SPATS2L: variants seen among roughly 807,000 people sequenced by gnomAD.
The protein encoded by SPATS2L is spermatogenesis associated serine rich 2 like.
Under a neutral mutation model 59.6 loss-of-function variants are expected in SPATS2L, and 30 were observed. The observed-to-expected ratio is 0.50, with a 90% CI of 0.38 to 0.68. SPATS2L has a LOEUF of 0.68. Ranked by LOEUF, SPATS2L falls within the 30% of genes least tolerant of loss-of-function variation. The probability of loss-of-function intolerance (pLI) is 0.00; values close to 1 mark genes in which losing one functional copy is unlikely to be tolerated. For missense variants in SPATS2L, 615 were observed against 700.0 expected (o/e 0.88, Z 1.37); for synonymous variants, 252 against 263.5 (o/e 0.96, Z 0.42).
chr2:200,414,113 C>CT (rs2082978337), intron 4 of SPATS2L, among the ~76,000 whole-genome samples: 1 of 151,554 alleles, frequency 6.6e-6, no homozygotes, highest in Non-Finnish European at 1.5e-5. Context: ...GGATTGAGGC[C>CT]CCCCACGTTC....
intron 5 of SPATS2L, among the ~76,000 whole-genome samples, chr2:200,417,176 T>A (rs2083098389): frequency 6.6e-6 from 1 of 152,204 alleles, no homozygotes; most frequent in South Asian, 2.1e-4. Flanking sequence ...TTTCCCAGGA[T>A]ATAGTACGCC....
rs1036625398 is a variant in SPATS2L, at chr2:200,306,889, G to A, written c.-106G>A. 84 of 981,198 alleles carry A rather than the reference G, an allele frequency of 8.6e-5. No homozygotes were observed. Among genetic ancestry groups the A allele is most frequent in the Non-Finnish European group, 1.0e-4 (84 of 828,342 alleles). The allele number at this position is 981,198 out of a possible 1,614,324, so 60.8% of individuals were successfully genotyped here. ...ACCGCGCCCCCGGGCCCCGGCTCCG[G>A]CCCGGGACGGAGGAGCCGGCGCTCG... On this transcript the variant is annotated 5_prime_UTR_variant, in exon 1 of 13. Transcript: ENST00000409140.
At chr2:200,442,615 T>A (rs1447853478) in intron 8 of SPATS2L, among the ~76,000 whole-genome samples, 3 of 152,254 alleles carry the variant, frequency 2.0e-5, no homozygotes, top group Non-Finnish European at 4.4e-5. Flanking sequence ...ATACCTTCCA[T>A]CTGAGTGACT....
chr2:200,340,894 C>A lies in SPATS2L; in HGVS notation c.-23+11414C>A, dbSNP rs2105818958. ...GCCATTTTATCCAATTCAGTGTTTT[C>A]TTTTATCATGTATTTTCCTTTTGTG... is the stretch of plus-strand genomic sequence containing the variant. On this transcript the variant is annotated intron_variant, in intron 2 of 12. Coordinates refer to ENST00000409140, the MANE Select transcript of SPATS2L (RefSeq NM_001100423.2). 1.3e-5 allele frequency among the ~76,000 whole-genome samples: 2 copies of A among 152,250 alleles called. 1 individual carries two copies. The highest frequency in any genetic ancestry group is 4.1e-4 in the South Asian group (2 of 4,832).
chr2:200,323,278 T>C (rs1338564702), intron 1 of SPATS2L, among the ~76,000 whole-genome samples: 2 of 152,184 alleles, frequency 1.3e-5, no homozygotes, highest in African/African-American at 4.8e-5. Context: ...TAATGACTAC[T>C]ATATAGTCAG....
At chr2:200,425,913 A>G (rs78660881) in intron 6 of SPATS2L, among the ~76,000 whole-genome samples, 1 of 152,124 alleles carries the variant, frequency 6.6e-6, no homozygotes, top group Non-Finnish European at 1.5e-5. Context: ...ATTCCATAGA[A>G]GGTCCCACTG....
intron 2 of SPATS2L, among the ~76,000 whole-genome samples, chr2:200,346,458 A>G (rs1326565707): frequency 6.6e-6 from 1 of 152,166 alleles, no homozygotes; most frequent in Non-Finnish European, 1.5e-5. Flanking sequence ...TGTTGCCTTC[A>G]TAACTCAAGA....
At chr2:200,400,004 T>C (rs1255091265) in intron 3 of SPATS2L, among the ~76,000 whole-genome samples, 1 of 152,190 alleles carries the variant, frequency 6.6e-6, no homozygotes, top group Non-Finnish European at 1.5e-5. Flanking sequence ...TAATTACCAT[T>C]TCCCCCCTCC....
In SPATS2L at chr2:200,469,943, G is replaced by C; in HGVS notation, c.987G>C (p.Glu329Asp). The stretch of plus-strand genomic sequence containing the variant: ...TTGTCAGCGAGCGTAAATATGACGA[G>C]GAGCTCGGGAAAGCTGCCCGGTTTT... Reference protein sequence around the residue: ...KHFVSERKYDEELGKAARFSC... With the variant: ...KHFVSERKYDDELGKAARFSC... The change falls in exon 11 of 13, where the codon GAG becomes GAC. Residue 329 changes from glutamate to aspartate, a missense_variant. Coordinates refer to ENST00000409140, the MANE Select transcript of SPATS2L (RefSeq NM_001100423.2). 6.2e-7 allele frequency: 1 copy of C among 1,611,944 alleles called. No individual in the cohort carries two copies. The highest frequency in any genetic ancestry group is 1.1e-5 in the South Asian group (1 of 90,376).
chr2:200,447,389 G>A (rs764484186), intron 8 of SPATS2L, among the ~76,000 whole-genome samples: 48 of 152,306 alleles, frequency 3.2e-4, no homozygotes, highest in Non-Finnish European at 2.8e-4. Context: ...TTACGGTGCC[G>A]TAGTGGTTGA....
At chr2:200,476,317 C>A (rs968641060) in intron 12 of SPATS2L, among the ~76,000 whole-genome samples, 16 of 151,976 alleles carry the variant, frequency 1.1e-4, no homozygotes, top group South Asian at 2.1e-4. Flanking sequence ...CCAAGACCTG[C>A]CAGATACACT....
rs544117525 is a variant in SPATS2L at position 200,444,713 on chromosome 2, C to T, written c.788+3929C>T. Among the ~76,000 whole-genome samples the T allele has an allele frequency of 4.7e-4, 72 of 152,188 alleles. 1 individual carries two copies. In the South Asian group the frequency reaches 0.015, roughly 31 times the overall value. On this transcript the variant is annotated intron_variant, in intron 8 of 12. Coordinates refer to ENST00000409140, the MANE Select transcript of SPATS2L (RefSeq NM_001100423.2). ...TGAAAGTAGGTCAGGAGTCTCAGCTCCCCGCACCCTGAGCCCTGGCCCACT... is the reference window on the plus strand; with the variant it reads ...TGAAAGTAGGTCAGGAGTCTCAGCTTCCCGCACCCTGAGCCCTGGCCCACT...
chr2:200,425,227 AG>A (rs2083499533), intron 6 of SPATS2L, among the ~76,000 whole-genome samples: 1 of 147,880 alleles, frequency 6.8e-6, no homozygotes, highest in East Asian at 2.0e-4. Context: ...GGTTCCCCAC[AG>A]GTTGTTCAAG....
chr2:200,404,349 C>T (rs925950615), intron 3 of SPATS2L, among the ~76,000 whole-genome samples: 2 of 152,178 alleles, frequency 1.3e-5, no homozygotes, highest in African/African-American at 2.4e-5. Flanking sequence ...TCAGAGAGAA[C>T]GTTGTTACCA....
intron 11 of SPATS2L, among the ~76,000 whole-genome samples, chr2:200,472,603 A>G (rs918311320): frequency 1.3e-5 from 2 of 152,250 alleles, no homozygotes; most frequent in African/African-American, 4.8e-5. Context: ...ATGTCTCCCA[A>G]CTTGGATGAT....
At chr2:200,310,288 T>A (rs755482992) in intron 1 of SPATS2L, among the ~76,000 whole-genome samples, 4 of 152,220 alleles carry the variant, frequency 2.6e-5, no homozygotes, top group Admixed American at 6.5e-5. Context: ...TCACCCAGAC[T>A]GGAGATGTAG....
intron 3 of SPATS2L, among the ~76,000 whole-genome samples, chr2:200,399,199 T>C (rs2082444765): frequency 6.6e-6 from 1 of 152,198 alleles, no homozygotes; most frequent in African/African-American, 2.4e-5. Flanking sequence ...TGAAATTTCA[T>C]ACCCATTGAA....
intron 8 of SPATS2L, among the ~76,000 whole-genome samples, chr2:200,456,613 G>A (rs1052325965): frequency 1.3e-5 from 2 of 152,238 alleles, no homozygotes; most frequent in East Asian, 3.9e-4. Context: ...TGTTACGATG[G>A]TCTTGTAGCT....
chr2:200,359,763 T>C (rs1296423052), intron 2 of SPATS2L, among the ~76,000 whole-genome samples: 1 of 152,194 alleles, frequency 6.6e-6, no homozygotes, highest in African/African-American at 2.4e-5. Context: ...TTTCAACACA[T>C]ATACACTGAG....
Sources: allele counts gnomAD v4.1 joint callset (sites outside exome capture counted in the v4.1 genomes callset), GRCh38; gene constraint gnomAD v4.1.1; transcripts MANE v1.5; gene names NCBI Gene and HGNC (gene_info 2026-07-23, HGNC 2026-07-21).